The following GRID2 variants were observed in gnomAD, a reference collection of about 807,000 sequenced individuals.
GRID2 encodes the protein glutamate receptor ionotropic, delta-2.
In GRID2, 33 loss-of-function variants were observed where a neutral mutation model predicts 114.8. The ratio of observed to expected loss-of-function variants is 0.29; its 90% CI spans 0.22 to 0.38. The LOEUF (loss-of-function observed/expected upper bound fraction) is 0.38, where lower values mean the gene tolerates loss of function less well. GRID2 is among the 10% of genes least tolerant of loss of function. The pLI, the probability that GRID2 is intolerant of heterozygous loss-of-function variation, is 1.00. For synonymous variants in GRID2, 505 were observed against 449.9 expected (o/e 1.12, Z -1.55); for missense variants, 1,184 against 1,257.7 (o/e 0.94, Z 0.89).
intron 8 of GRID2, among the ~76,000 whole-genome samples, chr4:93,259,478 A>C (rs776403774): frequency 2.9e-4 from 44 of 151,806 alleles, no homozygotes; most frequent in Non-Finnish European, 6.3e-4. Flanking sequence ...TATATGTCAA[A>C]TCTTACCAAA....
intron 2 of GRID2, among the ~76,000 whole-genome samples, chr4:92,778,749 T>G (rs1325436755): frequency 6.6e-6 from 1 of 152,092 alleles, no homozygotes; most frequent in Non-Finnish European, 1.5e-5. Context: ...CTTACAGAAC[T>G]AAGAATTATG....
intron 4 of GRID2, among the ~76,000 whole-genome samples, chr4:93,124,202 A>G (rs1734068361): frequency 6.6e-6 from 1 of 152,134 alleles, no homozygotes; most frequent in African/African-American, 2.4e-5. Context: ...CATGGAAGGC[A>G]AGGACAGGCT....
intron 2 of GRID2, among the ~76,000 whole-genome samples, chr4:92,608,580 C>CA (rs1265956420): frequency 6.6e-6 from 1 of 151,800 alleles, no homozygotes; most frequent in Non-Finnish European, 1.5e-5. Flanking sequence ...AGTTTTACTA[C>CA]ACATTTGGCA....
intron 2 of GRID2, among the ~76,000 whole-genome samples, chr4:92,890,200 G>GA (rs1441063397): frequency 6.6e-6 from 1 of 152,098 alleles, no homozygotes; most frequent in Non-Finnish European, 1.5e-5. Context: ...CAGGACGTAG[G>GA]TGTGGGCAAA....
chr4:93,325,872 T>C (rs1757778064), intron 8 of GRID2, among the ~76,000 whole-genome samples: 1 of 152,116 alleles, frequency 6.6e-6, no homozygotes, highest in South Asian at 2.1e-4. Context: ...GATTTTTAAT[T>C]GTGAGTTAGT....
chr4:92,826,952 T>C (rs1394698706), intron 2 of GRID2, among the ~76,000 whole-genome samples: 2 of 152,074 alleles, frequency 1.3e-5, no homozygotes, highest in East Asian at 3.9e-4. Context: ...AGTTCATTGA[T>C]ATGTTTCAGG....
chr4:93,114,943 G>A (rs574300734), intron 4 of GRID2, among the ~76,000 whole-genome samples: 37 of 152,234 alleles, frequency 2.4e-4, no homozygotes, highest in Admixed American at 9.2e-4. Flanking sequence ...CTGGAATACC[G>A]TAGGAGAACT....
At chr4:92,393,728 G>T (rs1229266032) in intron 1 of GRID2, among the ~76,000 whole-genome samples, 4 of 151,990 alleles carry the variant, frequency 2.6e-5, no homozygotes, top group African/African-American at 7.2e-5. Flanking sequence ...TGTATGTATT[G>T]GTCCAGTCAA....
rs553886304 is a variant in GRID2 at position 93,283,823 on chromosome 4, C to T, written c.1245+45333C>T. Among the ~76,000 whole-genome samples the T allele has an allele frequency of 2.0e-5, 3 of 152,212 alleles. No homozygotes were observed. In the East Asian group the frequency reaches 5.8e-4, roughly 29 times the overall value. On this transcript the variant is annotated intron_variant, in intron 8 of 15. Coordinates refer to ENST00000282020, the MANE Select transcript of GRID2 (RefSeq NM_001510.4). ...TTAGTGACCACTGAACTTCACTACT[C>T]TTTCAGAAAACAAATACATTCCAGT...
chr4:92,602,287 C>T (rs765641138), intron 2 of GRID2, among the ~76,000 whole-genome samples: 13 of 151,150 alleles, frequency 8.6e-5, no homozygotes, highest in Non-Finnish European at 4.4e-5. Flanking sequence ...TGATGAACAT[C>T]GATGTAAAAA....
chr4:92,613,663 G>T (rs1729862834), intron 2 of GRID2, among the ~76,000 whole-genome samples: 1 of 151,280 alleles, frequency 6.6e-6, no homozygotes, highest in Non-Finnish European at 1.5e-5. Context: ...TATTTTATCT[G>T]CTCTGCTAAC....
chr4:93,100,330 G>T (rs1473040549), intron 3 of GRID2, among the ~76,000 whole-genome samples: 1 of 151,752 alleles, frequency 6.6e-6, no homozygotes, highest in African/African-American at 2.4e-5. Context: ...CAGAAATCTA[G>T]TATAGCATAT....
intron 10 of GRID2, among the ~76,000 whole-genome samples, chr4:93,426,821 CAT>C (rs1389022266): frequency 1.6e-4 from 25 of 152,094 alleles, no homozygotes; most frequent in African/African-American, 5.8e-4. Flanking sequence ...AAGAAGCAGA[CAT>C]ATGATTTTTA....
At chr4:92,864,483 A>G (rs1184217819) in intron 2 of GRID2, among the ~76,000 whole-genome samples, 1 of 152,198 alleles carries the variant, frequency 6.6e-6, no homozygotes, top group African/African-American at 2.4e-5. Context: ...TTATGGAAGG[A>G]TAACTCATGC....
chr4:92,724,272 C>T (rs1735952528), intron 2 of GRID2, among the ~76,000 whole-genome samples: 2 of 151,994 alleles, frequency 1.3e-5, no homozygotes, highest in Non-Finnish European at 2.9e-5. Context: ...TATTTCCATG[C>T]CACAAATCTC....
chr4:93,043,596 T>C (rs1226737530), intron 2 of GRID2, among the ~76,000 whole-genome samples: 1 of 152,152 alleles, frequency 6.6e-6, no homozygotes, highest in East Asian at 1.9e-4. Flanking sequence ...CATAGGTTTA[T>C]GTAAAAGAGC....
rs188272131 is a variant in GRID2 at position 92,699,176 on chromosome 4, T to C, written c.244+108890T>C. 1.8e-3 allele frequency among the ~76,000 whole-genome samples: 275 copies of C among 152,290 alleles called. 1 individual carries two copies. The highest frequency in any genetic ancestry group is 6.0e-3 in the African/African-American group (249 of 41,582). ...AATACTGCCAAACTGTTGAAACCAA[T>C]TTCTGTGTATTCTTTGCTCTAAGTT... On this transcript the variant is annotated intron_variant, in intron 2 of 15. Transcript: ENST00000282020.
At chr4:93,228,643 G>A (rs1745774026) in intron 7 of GRID2, among the ~76,000 whole-genome samples, 1 of 152,128 alleles carries the variant, frequency 6.6e-6, no homozygotes, top group Admixed American at 6.6e-5. Flanking sequence ...TAGCCTCAAG[G>A]TGTTGCCAAA....
intron 8 of GRID2, among the ~76,000 whole-genome samples, chr4:93,388,294 G>T (rs1764522095): frequency 6.6e-6 from 1 of 152,074 alleles, no homozygotes; most frequent in African/African-American, 2.4e-5. Context: ...CAAAACCACT[G>T]ATTCTCACAT....
Sources: allele counts gnomAD v4.1 joint callset (sites outside exome capture counted in the v4.1 genomes callset), GRCh38; gene constraint gnomAD v4.1.1; transcripts MANE v1.5; gene names NCBI Gene and HGNC (gene_info 2026-07-23, HGNC 2026-07-21).